The following DIAPH3 variants were observed in gnomAD, a reference collection of about 807,000 sequenced individuals.
DIAPH3 encodes the protein protein diaphanous homolog 3.
A neutral mutation model predicts 144.3 loss-of-function variants in DIAPH3; 117 were observed. The ratio of observed to expected loss-of-function variants is 0.81; its 90% CI spans 0.70 to 0.95. DIAPH3 has a LOEUF of 0.95. Among genes scored for constraint, DIAPH3 ranks in the 40% least tolerant of loss-of-function variants. The probability of loss-of-function intolerance (pLI) is 0.00; values close to 1 mark genes in which losing one functional copy is unlikely to be tolerated. For synonymous variants in DIAPH3, 519 were observed against 488.9 expected, an observed-to-expected ratio of 1.06 and a Z score of -0.81; for missense variants, 1,421 against 1,412.7, an observed-to-expected ratio of 1.01 and a Z score of -0.09.
At chr13:59,951,986 T>C (rs997418405) in intron 17 of DIAPH3, among the ~76,000 whole-genome samples, 5 of 152,144 alleles carry the variant, frequency 3.3e-5, no homozygotes, top group African/African-American at 9.7e-5. Context: ...CTATCCACAA[T>C]AGCCAAAAGG....
intron 4 of DIAPH3, among the ~76,000 whole-genome samples, chr13:60,060,997 A>G (rs1254946668): frequency 6.6e-6 from 1 of 152,128 alleles, no homozygotes; most frequent in Admixed American, 6.6e-5. Context: ...GGTGCTCATC[A>G]TTAGCTGAGT....
In DIAPH3 at chr13:59,930,244, A is replaced by G. The variant is rs141629756; in HGVS notation, c.2075-5374T>C. On this transcript the variant is annotated intron_variant, in intron 17 of 27. Coordinates refer to ENST00000400324, the MANE Select transcript of DIAPH3 (RefSeq NM_001042517.2). The stretch of plus-strand genomic sequence containing the variant: ...AACTAAAAAGAGACTGTGTTAGGCA[A>G]CAAAGATACAATGCTAGACAAGATA... Among the ~76,000 whole-genome samples the G allele has an allele frequency of 1.3e-3, 198 of 152,322 alleles. 1 individual carries two copies. The highest frequency in any genetic ancestry group is 4.6e-3 in the African/African-American group (190 of 41,562).
chr13:59,848,462 C>T (rs2042789435), intron 22 of DIAPH3, among the ~76,000 whole-genome samples: 1 of 151,316 alleles, frequency 6.6e-6, no homozygotes, highest in Non-Finnish European at 1.5e-5. Flanking sequence ...GCTATCCCTC[C>T]CCGCTCCCCC....
chr13:60,078,862 T>C (rs2057457725), intron 4 of DIAPH3, among the ~76,000 whole-genome samples: 1 of 152,010 alleles, frequency 6.6e-6, no homozygotes, highest in Non-Finnish European at 1.5e-5. Context: ...TGGATACTAC[T>C]AGACCTAAAA....
chr13:60,152,355 TCA>T (rs1951827359), intron 1 of DIAPH3, among the ~76,000 whole-genome samples: 1 of 152,040 alleles, frequency 6.6e-6, no homozygotes, highest in African/African-American at 2.4e-5. Context: ...CAGAATGACC[TCA>T]CACTTGGTAC....
At position 59,729,828 on chromosome 13, in the gene DIAPH3, T is replaced by TTTTC. The variant is rs1192781161; in HGVS notation, c.3319+44360_3319+44361insGAAA. ...CATTAATATTTTTTTTTTTTTTTTT[T>TTTTC]TGAGATAGGGTCTTGCTCTGTTGAC... On this transcript the variant is annotated intron_variant, in intron 27 of 27. Transcript: ENST00000400324. Among the ~76,000 whole-genome samples the TTTTC allele has an allele frequency of 1.2e-4, 18 of 149,450 alleles. No individual in the cohort carries two copies. The East Asian group carries it at 3.3e-3, about 28-fold the overall frequency.
intron 4 of DIAPH3, among the ~76,000 whole-genome samples, chr13:60,088,196 C>T (rs1216309066): frequency 2.1e-5 from 3 of 144,432 alleles, no homozygotes; most frequent in African/African-American, 7.9e-5. Flanking sequence ...AAAGACAACT[C>T]GCAAAGCACT....
chr13:60,129,115 C>A lies in DIAPH3; in HGVS notation c.213+3842G>T, dbSNP rs1233619305. Reference sequence around the variant, plus strand: ...AGGAGAGAAAACAGCAAGTCAAAAACAACTCCTATACTCCAAAAACACTCA... The same window carrying A: ...AGGAGAGAAAACAGCAAGTCAAAAAAAACTCCTATACTCCAAAAACACTCA... On this transcript the variant is annotated intron_variant, in intron 2 of 27. Coordinates refer to ENST00000400324, the MANE Select transcript of DIAPH3 (RefSeq NM_001042517.2). Among the ~76,000 whole-genome samples the A allele has an allele frequency of 2.6e-5, 4 of 152,172 alleles. No individual in the cohort carries two copies. In the South Asian group the frequency reaches 8.3e-4, roughly 32 times the overall value.
chr13:60,088,568 C>A (rs2057828437), intron 4 of DIAPH3, among the ~76,000 whole-genome samples: 1 of 152,032 alleles, frequency 6.6e-6, no homozygotes, highest in Admixed American at 6.6e-5. Context: ...AGTAGAACGG[C>A]AAATAGAAGA....
intron 27 of DIAPH3, among the ~76,000 whole-genome samples, chr13:59,714,346 C>T (rs377707991): frequency 2.7e-5 from 3 of 112,824 alleles, no homozygotes; most frequent in Admixed American, 1.1e-4. Flanking sequence ...GGCGACAGAG[C>T]GAGACTCCGT....
chr13:59,709,953 G>A (rs1473649284), intron 27 of DIAPH3, among the ~76,000 whole-genome samples: 1 of 152,056 alleles, frequency 6.6e-6, no homozygotes, highest in Non-Finnish European at 1.5e-5. Flanking sequence ...TAGGGACATG[G>A]ATGAAATTGG....
At chr13:60,116,349 CAT>C (rs1054069995) in intron 2 of DIAPH3, among the ~76,000 whole-genome samples, 1 of 151,986 alleles carries the variant, frequency 6.6e-6, no homozygotes, top group African/African-American at 2.4e-5. Flanking sequence ...AACTCAGAAA[CAT>C]AAAACTGTCT....
At chr13:59,854,144 G>A (rs2043132377) in intron 22 of DIAPH3, among the ~76,000 whole-genome samples, 1 of 152,166 alleles carries the variant, frequency 6.6e-6, no homozygotes, top group Non-Finnish European at 1.5e-5. Flanking sequence ...GAAGATGCAG[G>A]CAGAGAGTGG....
At chr13:59,863,079 T>C (rs1328206035) in intron 21 of DIAPH3, among the ~76,000 whole-genome samples, 1 of 152,064 alleles carries the variant, frequency 6.6e-6, no homozygotes, top group Admixed American at 6.6e-5. Context: ...CCAATCCTAA[T>C]CTGAAATGGC....
chr13:60,118,780 C>T (rs969038457), intron 2 of DIAPH3, among the ~76,000 whole-genome samples: 1 of 152,138 alleles, frequency 6.6e-6, no homozygotes, highest in African/African-American at 2.4e-5. Context: ...TGATGGTACC[C>T]ATCACAGAGA....
intron 3 of DIAPH3, among the ~76,000 whole-genome samples, chr13:60,095,824 C>G (rs1465575919): frequency 6.6e-6 from 1 of 152,052 alleles, no homozygotes; most frequent in Non-Finnish European, 1.5e-5. Flanking sequence ...TTACACTCTG[C>G]TTTTTTTAAG....
intron 21 of DIAPH3, among the ~76,000 whole-genome samples, chr13:59,863,412 A>T (rs2043720090): frequency 6.6e-6 from 1 of 152,176 alleles, no homozygotes; most frequent in Non-Finnish European, 1.5e-5. Flanking sequence ...TGGCTCCTAA[A>T]TAAATTCCCA....
At chr13:59,717,754 G>A (rs1593659277) in intron 27 of DIAPH3, among the ~76,000 whole-genome samples, 1 of 150,994 alleles carries the variant, frequency 6.6e-6, no homozygotes, top group Admixed American at 6.6e-5. Context: ...GGTATAGGAG[G>A]ATAAATCTTC....
At chr13:60,024,027 G>T (rs1198223397) in intron 5 of DIAPH3, among the ~76,000 whole-genome samples, 3 of 151,380 alleles carry the variant, frequency 2.0e-5, no homozygotes, top group Non-Finnish European at 4.4e-5. Context: ...AGCTAATTTT[G>T]TATTTTTAGT....
Sources: allele counts gnomAD v4.1 joint callset (sites outside exome capture counted in the v4.1 genomes callset), GRCh38; gene constraint gnomAD v4.1.1; transcripts MANE v1.5; gene names NCBI Gene and HGNC (gene_info 2026-07-23, HGNC 2026-07-21).